The following CEP83 variants were observed in gnomAD, a reference collection of about 807,000 sequenced individuals.
The protein encoded by CEP83 is centrosomal protein of 83 kDa.
In CEP83, 70 loss-of-function variants were observed where a neutral mutation model predicts 101.9. The observed-to-expected ratio is 0.69, with a 90% CI of 0.57 to 0.84. The LOEUF (loss-of-function observed/expected upper bound fraction) is 0.84. Among genes scored for constraint, CEP83 ranks in the 40% least tolerant of loss-of-function variants. The pLI, the probability that CEP83 is intolerant of heterozygous loss-of-function variation, is 0.00. For synonymous variants in CEP83, 264 were observed against 267.9 expected (o/e 0.99, Z 0.14); for missense variants, 715 against 787.2 (o/e 0.91, Z 1.10).
At chr12:94,270,150 A>G in the CEP83 span, among the ~76,000 whole-genome samples, 1 of 152,202 alleles carries the variant, frequency 6.6e-6, no homozygotes, top group Non-Finnish European at 1.5e-5. Flanking sequence ...GATAGAAAGC[A>G]TTTTCCAGAT....
intron 6 of CEP83, among the ~76,000 whole-genome samples, chr12:94,390,777 C>A (rs769676349): frequency 2.0e-4 from 31 of 152,128 alleles, no homozygotes; most frequent in Non-Finnish European, 3.4e-4. Context: ...GTAGAGAAGA[C>A]CTTCAATGAC....
At chr12:94,411,895 T>A in intron 3 of CEP83, 48 bp from the exon 4 acceptor site, 1 of 1,447,494 alleles carries the variant, frequency 6.9e-7, no homozygotes, top group South Asian at 1.2e-5. Context: ...CCTTTCTTTC[T>A]AATTGCATTA....
the CEP83 span, among the ~76,000 whole-genome samples, chr12:94,293,005 T>G: frequency 2.0e-5 from 3 of 152,230 alleles, no homozygotes; most frequent in African/African-American, 4.8e-5. Flanking sequence ...TCACTACCGC[T>G]GCTCTCTTCT....
At chr12:94,300,044 T>C in the CEP83 span, among the ~76,000 whole-genome samples, 1 of 152,142 alleles carries the variant, frequency 6.6e-6, no homozygotes, top group East Asian at 1.9e-4. Flanking sequence ...AAGGAGATAA[T>C]GGAAGGACTT....
At chr12:94,297,268 T>C in the CEP83 span, 2 of 1,613,266 alleles carry the variant, frequency 1.2e-6, no homozygotes, top group Non-Finnish European at 1.7e-6. Context: ...ATGCCTTCTG[T>C]AGCAAGAGTG....
chr12:94,374,227 G>A (rs2061425402), intron 8 of CEP83, among the ~76,000 whole-genome samples: 1 of 152,056 alleles, frequency 6.6e-6, no homozygotes, highest in South Asian at 2.1e-4. Flanking sequence ...GGTGAGCTAG[G>A]GAGCTCAGGT....
intron 8 of CEP83, among the ~76,000 whole-genome samples, chr12:94,375,559 A>T (rs2061490373): frequency 6.6e-6 from 1 of 152,220 alleles, no homozygotes; most frequent in Non-Finnish European, 1.5e-5. Flanking sequence ...TAGAAAAATC[A>T]TGGCTTGGAC....
the CEP83 span, among the ~76,000 whole-genome samples, chr12:94,267,706 A>G: frequency 1.3e-5 from 2 of 152,214 alleles, no homozygotes. Context: ...GAGAAGGCAC[A>G]TGATCCGTTC....
At chr12:94,424,227 C>A in intron 2 of CEP83, 1 of 1,612,920 alleles carries the variant, frequency 6.2e-7, no homozygotes, top group Non-Finnish European at 8.5e-7. Flanking sequence ...TAGGTCAAGG[C>A]CATGATGCCC....
chr12:94,388,762 G>A (rs1160770132), intron 6 of CEP83, among the ~76,000 whole-genome samples: 3 of 152,066 alleles, frequency 2.0e-5, no homozygotes, highest in Non-Finnish European at 4.4e-5. Context: ...TTTTAATTCT[G>A]TGTGTTATTA....
the CEP83 span, chr12:94,272,041 C>CTGA: frequency 6.6e-6 from 1 of 152,192 alleles, no homozygotes; most frequent in African/African-American, 2.4e-5. Flanking sequence ...CTGTGAGAGG[C>CTGA]TGATGGCTGA....
chr12:94,418,453 A>T (rs890230043), intron 2 of CEP83, among the ~76,000 whole-genome samples: 1 of 152,214 alleles, frequency 6.6e-6, no homozygotes. Flanking sequence ...GAATTAATGC[A>T]CTGGGAAGAT....
At chr12:94,285,706 G>A in the CEP83 span, among the ~76,000 whole-genome samples, 3 of 152,164 alleles carry the variant, frequency 2.0e-5, no homozygotes, top group East Asian at 1.9e-4. Context: ...CAGAGATGCT[G>A]CCCTGCTGGG....
chr12:94,404,457 G>A (rs777326028), intron 4 of CEP83, among the ~76,000 whole-genome samples: 11 of 152,160 alleles, frequency 7.2e-5, no homozygotes, highest in Non-Finnish European at 1.6e-4. Flanking sequence ...TCAAAGGTGA[G>A]TTAAAGCCAT....
chr12:94,442,819 C>T (rs2066509538), intron 1 of CEP83, among the ~76,000 whole-genome samples: 1 of 152,116 alleles, frequency 6.6e-6, no homozygotes, highest in Admixed American at 6.5e-5. Flanking sequence ...AACCACTACC[C>T]ATCCTCTATC....
chr12:94,308,010 T>C lies in CEP83; in HGVS notation c.*803A>G, dbSNP rs897454261. The C allele has an allele frequency of 1.3e-5, 2 of 152,230 alleles. No homozygotes were observed. The highest frequency in any genetic ancestry group is 1.9e-4 in the East Asian group (1 of 5,186). 9.4% of individuals were successfully genotyped at this position (152,230 alleles called of 1,614,324 possible). On this transcript the variant is annotated 3_prime_UTR_variant, in exon 17 of 17. Coordinates refer to ENST00000397809, the MANE Select transcript of CEP83 (RefSeq NM_016122.3). Reference sequence around the variant, plus strand: ...GATGTCACATTAAAAAGGCTTCCAATGGGTGTAGACCAAAAAAAATGAGAG... The same window carrying C: ...GATGTCACATTAAAAAGGCTTCCAACGGGTGTAGACCAAAAAAAATGAGAG...
chr12:94,445,384 T>TAA (rs551884482), intron 1 of CEP83, among the ~76,000 whole-genome samples: 1 of 150,456 alleles, frequency 6.6e-6, no homozygotes, highest in Non-Finnish European at 1.5e-5. Context: ...ATAAACCTCC[T>TAA]AAAAAAAAAT....
At chr12:94,303,288 T>C (rs1486712704), downstream of CEP83, among the ~76,000 whole-genome samples, 1 of 152,164 alleles carries the variant, frequency 6.6e-6, no homozygotes, top group Non-Finnish European at 1.5e-5. Flanking sequence ...AATCTGCCTC[T>C]GCCAATTACT....
chr12:94,386,336 C>T (rs2062145618), intron 6 of CEP83, among the ~76,000 whole-genome samples: 1 of 152,156 alleles, frequency 6.6e-6, no homozygotes, highest in Admixed American at 6.5e-5. Context: ...TAGAGACTGT[C>T]CCACCTAAAT....
Sources: gnomAD v4.1 joint callset for allele counts (sites outside exome capture counted in the v4.1 genomes callset) on GRCh38, gnomAD v4.1.1 for gene constraint, MANE v1.5 for transcripts, NCBI Gene and HGNC (gene_info 2026-07-23, HGNC 2026-07-21) for gene names.